Variants in FOXP1 observed in about 807,000 individuals in gnomAD.
FOXP1 encodes forkhead box protein P1.
In FOXP1, 15 loss-of-function variants were observed where a neutral mutation model predicts 98.2. That is an observed-to-expected ratio of 0.15 (90% CI 0.10 to 0.24). The LOEUF (loss-of-function observed/expected upper bound fraction) is 0.24. Ranked by LOEUF, FOXP1 falls within the 10% of genes least tolerant of loss-of-function variation. FOXP1 has a pLI of 1.00. For missense variants in FOXP1, 633 were observed against 848.5 expected (o/e 0.75, Z 3.15); for synonymous variants, 371 against 314.5 (o/e 1.18, Z -1.90).
intron 2 of FOXP1, among the ~76,000 whole-genome samples, chr3:71,495,421 C>T (rs2091335968): frequency 6.6e-6 from 1 of 152,150 alleles, no homozygotes. Context: ...TTCTTTTCAT[C>T]GCAATGCTCC....
chr3:71,366,120 G>A (rs2078914295), intron 3 of FOXP1, among the ~76,000 whole-genome samples: 1 of 152,118 alleles, frequency 6.6e-6, no homozygotes, highest in East Asian at 1.9e-4. Flanking sequence ...TACAATTATT[G>A]TAATGACGAC....
At chr3:71,345,395 T>C (rs1390843539) in intron 4 of FOXP1, among the ~76,000 whole-genome samples, 1 of 50,308 alleles carries the variant, frequency 2.0e-5, no homozygotes, top group African/African-American at 4.4e-5. Context: ...CTCAAATATA[T>C]ATACACACAC....
At chr3:71,067,897 C>T (rs1364576015) in intron 7 of FOXP1, among the ~76,000 whole-genome samples, 1 of 145,420 alleles carries the variant, frequency 6.9e-6, no homozygotes, top group Non-Finnish European at 1.5e-5. Flanking sequence ...GCCTAGGCAA[C>T]AGAGCAAGAA....
Position 70,958,031 on chromosome 3 carries a change from C to A in FOXP1, c.*1216G>T. ...TTTTGCAAACAAAACCAACCCACAC[C>A]CGTTATCGCAGAGCACCCAAGGCCC... On this transcript the variant is annotated 3_prime_UTR_variant, in exon 21 of 21. Transcript: ENST00000649528. 4.0e-6 allele frequency: 1 copy of A among 248,110 alleles called. No homozygotes were observed. The highest frequency in any genetic ancestry group is 7.9e-6 in the Non-Finnish European group (1 of 126,842). The allele number at this position is 248,110 out of a possible 1,614,324, so 15.4% of individuals were successfully genotyped here. A position where few individuals can be genotyped will look rare whatever the true frequency, so the allele number is the denominator to read the frequency against.
intron 6 of FOXP1, among the ~76,000 whole-genome samples, chr3:71,167,445 G>A (rs541665274): frequency 2.0e-5 from 3 of 152,226 alleles, no homozygotes; most frequent in Middle Eastern, 3.4e-3. Flanking sequence ...GAGCACGTGT[G>A]AATTTTCAGA....
intron 7 of FOXP1, among the ~76,000 whole-genome samples, chr3:71,058,074 G>GA (rs760188352): frequency 6.6e-6 from 1 of 152,012 alleles, no homozygotes; most frequent in Non-Finnish European, 1.5e-5. Flanking sequence ...GATGGGAAGG[G>GA]AAAAATCTAA....
chr3:71,558,476 GTTTTTGT>G (rs1184082979), intron 2 of FOXP1, among the ~76,000 whole-genome samples: 2 of 151,528 alleles, frequency 1.3e-5, no homozygotes, highest in African/African-American at 2.4e-5. Context: ...TCTTTTTCTT[GTTTTTGT>G]TTTTTGTTTT....
intron 2 of FOXP1, among the ~76,000 whole-genome samples, chr3:71,502,332 G>C (rs1025720087): frequency 1.3e-5 from 2 of 152,200 alleles, no homozygotes; most frequent in African/African-American, 4.8e-5. Flanking sequence ...ACAGAGAGCT[G>C]GCTGCCATCT....
At chr3:71,211,982 T>C (rs1296780675) in intron 5 of FOXP1, among the ~76,000 whole-genome samples, 2 of 152,220 alleles carry the variant, frequency 1.3e-5, no homozygotes, top group Non-Finnish European at 2.9e-5. Context: ...ACTTTTATAA[T>C]GCATGTTATA....
In FOXP1 at chr3:71,160,074, C is replaced by T. The variant is rs181219781; in HGVS notation, c.180+38128G>A. 2.1e-4 allele frequency among the ~76,000 whole-genome samples: 32 copies of T among 152,350 alleles called. 3 individuals are homozygous for T. Among genetic ancestry groups the T allele is most frequent in the South Asian group, 1.2e-3 (6 of 4,830 alleles). ...CAAGAACCAATAAAAAAGGTAATTT[C>T]GCAGTATCTCCACTGTGTCCCAATC... is the stretch of plus-strand genomic sequence containing the variant. On this transcript the variant is annotated intron_variant, in intron 6 of 20. Transcript: ENST00000649528.
intron 4 of FOXP1, among the ~76,000 whole-genome samples, chr3:71,315,487 C>T (rs1366159641): frequency 1.3e-5 from 2 of 152,038 alleles, no homozygotes; most frequent in African/African-American, 4.8e-5. Context: ...TTTTTTTCTG[C>T]CTCAGTTGCG....
chr3:71,083,372 C>A (rs1417979224), intron 7 of FOXP1, among the ~76,000 whole-genome samples: 1 of 152,192 alleles, frequency 6.6e-6, no homozygotes, highest in Non-Finnish European at 1.5e-5. Flanking sequence ...CATGTTAATG[C>A]AGCTTGTGGA....
At chr3:71,280,010 C>T (rs2071343515) in intron 5 of FOXP1, among the ~76,000 whole-genome samples, 3 of 151,372 alleles carry the variant, frequency 2.0e-5, no homozygotes, top group Admixed American at 1.3e-4. Context: ...GTAGTCCCAG[C>T]TACTCGGGAG....
intron 5 of FOXP1, 29 bp from the exon 6 acceptor site, chr3:71,198,421 A>C (rs56850311): frequency 7.7e-6 from 3 of 389,296 alleles, no homozygotes; most frequent in Non-Finnish European, 1.4e-5. Flanking sequence ...AGATGGGGGG[A>C]GGGAGGGGGG....
At chr3:71,066,563 C>T (rs924839704) in intron 7 of FOXP1, among the ~76,000 whole-genome samples, 3 of 152,170 alleles carry the variant, frequency 2.0e-5, no homozygotes, top group Non-Finnish European at 4.4e-5. Context: ...GTGCTCTTTC[C>T]GGAGGGGCTG....
chr3:70,963,795 A>C (rs1296378475), intron 20 of FOXP1, among the ~76,000 whole-genome samples: 3 of 152,152 alleles, frequency 2.0e-5, no homozygotes, highest in Non-Finnish European at 4.4e-5. Flanking sequence ...CCAAAGCCAT[A>C]ATTATGTGAC....
intron 3 of FOXP1, among the ~76,000 whole-genome samples, chr3:71,381,437 CTTTTTT>C: frequency 1.3e-5 from 1 of 77,702 alleles, no homozygotes; most frequent in East Asian, 2.6e-4. Flanking sequence ...TGCGCCTGGC[CTTTTTT>C]TTTTTTTTTT....
At position 71,042,343 on chromosome 3, in the gene FOXP1, T is replaced by C. The variant is rs567593454; in HGVS notation, c.665-811A>G. On this transcript the variant is annotated intron_variant, in intron 10 of 20. Coordinates refer to ENST00000649528, the MANE Select transcript of FOXP1 (RefSeq NM_001349338.3). ...GGGTTTTAAGGAGTGAATCCAGTAT[T>C]TTCCCCCAAGAAGAGATACAATCAG... is the stretch of plus-strand genomic sequence containing the variant. 9.9e-5 allele frequency among the ~76,000 whole-genome samples: 15 copies of C among 152,262 alleles called. 1 individual carries two copies. In the East Asian group the frequency reaches 1.7e-3, roughly 18 times the overall value.
At chr3:71,447,042 G>T (rs1238581592) in intron 3 of FOXP1, among the ~76,000 whole-genome samples, 1 of 152,230 alleles carries the variant, frequency 6.6e-6, no homozygotes, top group Non-Finnish European at 1.5e-5. Context: ...CCATCTAAAT[G>T]GGCACTTGAC....
Sources: allele counts gnomAD v4.1 joint callset (sites outside exome capture counted in the v4.1 genomes callset), GRCh38; gene constraint gnomAD v4.1.1; transcripts MANE v1.5; gene names NCBI Gene and HGNC (gene_info 2026-07-23, HGNC 2026-07-21).